Variants in ADAM10 observed in about 807,000 individuals in gnomAD.
ADAM10 encodes ADAM metallopeptidase domain 10.
In ADAM10, 17 loss-of-function variants were observed where a neutral mutation model predicts 90.1. The ratio of observed to expected loss-of-function variants is 0.19; its 90% confidence interval spans 0.13 to 0.28. The LOEUF is 0.28. ADAM10 is among the 10% of genes least tolerant of loss of function. ADAM10 has a pLI of 1.00. For synonymous variants in ADAM10, 310 were observed against 298.6 expected (o/e 1.04, Z -0.40); for missense variants, 610 against 914.3 (o/e 0.67, Z 4.29).
intron 10 of ADAM10, among the ~76,000 whole-genome samples, chr15:58,627,192 A>T (rs1354848065): frequency 2.6e-5 from 4 of 152,162 alleles, no homozygotes; most frequent in African/African-American, 9.6e-5. Flanking sequence ...TAAACTGTAT[A>T]CTTTCACTTA....
At chr15:58,717,261 T>C (rs1457778931) in intron 2 of ADAM10, among the ~76,000 whole-genome samples, 1 of 152,158 alleles carries the variant, frequency 6.6e-6, no homozygotes, top group Non-Finnish European at 1.5e-5. Flanking sequence ...TAGATAGATA[T>C]ATTGACCATA....
intron 2 of ADAM10, chr15:58,691,676 C>CTTCTTTTTTTTTTTTTTTTTTTTTTTT (rs746349800): frequency 5.1e-6 from 1 of 196,352 alleles, no homozygotes; most frequent in African/African-American, 4.5e-5. Context: ...ACTTCTTCTT[C>CTTCTTTTTTTTTTTTTTTTTTTTTTTT]TTTTTTTTTT....
intron 7 of ADAM10, among the ~76,000 whole-genome samples, chr15:58,642,979 T>C (rs1423903326): frequency 6.6e-6 from 1 of 152,182 alleles, no homozygotes; most frequent in Non-Finnish European, 1.5e-5. Context: ...TTCTCTAGTA[T>C]AGACATTTTA....
intron 14 of ADAM10, among the ~76,000 whole-genome samples, chr15:58,600,490 TTATA>T (rs1734374972): frequency 6.6e-6 from 1 of 152,136 alleles, no homozygotes; most frequent in Admixed American, 6.5e-5. Flanking sequence ...TTTCATTACA[TTATA>T]TATAATATCT....
intron 3 of ADAM10, among the ~76,000 whole-genome samples, chr15:58,680,879 CA>C (rs1486075884): frequency 2.0e-5 from 3 of 152,112 alleles, no homozygotes; most frequent in African/African-American, 7.2e-5. Context: ...AGTGCAGTGG[CA>C]CAATCATAAC....
intron 10 of ADAM10, among the ~76,000 whole-genome samples, chr15:58,626,997 G>T (rs899760438): frequency 4.6e-5 from 7 of 152,068 alleles, no homozygotes; most frequent in Middle Eastern, 3.2e-3. Context: ...ACTAAAATAA[G>T]AAATAATTTC....
chr15:58,630,784 C>T (rs577686398), intron 9 of ADAM10, among the ~76,000 whole-genome samples: 1 of 152,264 alleles, frequency 6.6e-6, no homozygotes, highest in East Asian at 1.9e-4. Flanking sequence ...GAGACAGGTT[C>T]AGGTGTTTAT....
At chr15:58,640,110 C>T (rs574563178) in intron 8 of ADAM10, among the ~76,000 whole-genome samples, 5 of 152,276 alleles carry the variant, frequency 3.3e-5, no homozygotes, top group Admixed American at 2.6e-4. Context: ...CACTCCACCC[C>T]CACTGTAATG....
Position 58,599,735 on chromosome 15 carries a change from A to G in ADAM10, c.2026-11T>C. On this transcript the variant is annotated splice_polypyrimidine_tract_variant and intron_variant, in intron 14 of 15. Coordinates refer to ENST00000260408, the MANE Select transcript of ADAM10 (RefSeq NM_001110.4). The stretch of plus-strand genomic sequence containing the variant: ...TGCCCACCAATGAGCCTAGAAATAA[A>G]CAGATTTTTCCACTGAAAAAAAAAA... The G allele has an allele frequency of 1.3e-6, 2 of 1,594,290 alleles. No individual in the cohort carries two copies. The highest frequency in any genetic ancestry group is 1.7e-6 in the Non-Finnish European group (2 of 1,177,016).
rs1430456890 is a variant in ADAM10 at position 58,593,529 on chromosome 15, G to A, written c.*4018C>T. 1 of 152,244 alleles carries A rather than the reference G, an allele frequency of 6.6e-6. No homozygotes were observed. The highest frequency in any genetic ancestry group is 2.4e-5 in the African/African-American group (1 of 41,430). 9.4% of individuals were successfully genotyped at this position (152,244 alleles called of 1,614,324 possible). A position where few individuals can be genotyped will look rare whatever the true frequency, so the allele number is the denominator to read the frequency against. On this transcript the variant is annotated 3_prime_UTR_variant, in exon 16 of 16. Transcript: ENST00000260408. ...CCTGCCAGGTACCCAAATCTTACCAGTGCAAACTACACCATTCTGTTGTGT... is the reference window on the plus strand; with the variant it reads ...CCTGCCAGGTACCCAAATCTTACCAATGCAAACTACACCATTCTGTTGTGT...
At chr15:58,655,702 A>ATATATACTATATATAGTGTG (rs60905284) in intron 5 of ADAM10, among the ~76,000 whole-genome samples, 1 of 53,838 alleles carries the variant, frequency 1.9e-5, no homozygotes, top group Non-Finnish European at 2.9e-5. Flanking sequence ...TATAGTATAT[A>ATATATACTATATATAGTGTG]TATATATAGT....
chr15:58,685,545 AATATATATAT>A (rs56776777), intron 2 of ADAM10, among the ~76,000 whole-genome samples: 7,645 of 116,118 alleles, frequency 0.066, 463 homozygotes, highest in African/African-American at 0.14. Context: ...TATGAAGGAG[AATATATATAT>A]ATATATATAT....
chr15:58,588,954 C>T lies in ADAM10; in HGVS notation c.*8593G>A, dbSNP rs1894769936. The T allele has an allele frequency of 6.6e-6, 1 of 152,150 alleles. No homozygotes were observed. The highest frequency in any genetic ancestry group is 1.9e-4 in the East Asian group (1 of 5,192). 9.4% of individuals were successfully genotyped at this position (152,150 alleles called of 1,614,324 possible). On this transcript the variant is annotated 3_prime_UTR_variant, in exon 16 of 16. Coordinates refer to ENST00000260408, the MANE Select transcript of ADAM10 (RefSeq NM_001110.4). ...CGGTATGTTTCATATTCTATAAATA[C>T]AGTGCATATTAGATTTTGAAAGAAA...
intron 3 of ADAM10, among the ~76,000 whole-genome samples, chr15:58,680,294 T>C (rs145061335): frequency 1.1e-3 from 175 of 152,254 alleles, no homozygotes; most frequent in South Asian, 0.01. Context: ...AGCTAATTTT[T>C]GTATTTTTGG....
chr15:58,699,081 A>G (rs1283671809), intron 2 of ADAM10, among the ~76,000 whole-genome samples: 1 of 152,230 alleles, frequency 6.6e-6, no homozygotes, highest in Non-Finnish European at 1.5e-5. Context: ...GGGAACTCCT[A>G]TCAGACTAAC....
intron 10 of ADAM10, among the ~76,000 whole-genome samples, chr15:58,624,001 G>GA (rs1212100712): frequency 6.6e-6 from 1 of 150,904 alleles, no homozygotes; most frequent in African/African-American, 2.5e-5. Flanking sequence ...AAAAAAAGGG[G>GA]GGGCCAGGCG....
At chr15:58,710,447 T>G (rs1220703007) in intron 2 of ADAM10, among the ~76,000 whole-genome samples, 2 of 152,178 alleles carry the variant, frequency 1.3e-5, no homozygotes, top group African/African-American at 4.8e-5. Flanking sequence ...TCCTTATGCT[T>G]CAGTAAGTAA....
chr15:58,692,817 C>T (rs1209724655), intron 2 of ADAM10: 5 of 642,012 alleles, frequency 7.8e-6, no homozygotes, highest in South Asian at 4.1e-5. Context: ...CACCAAATTG[C>T]CCAATCATGG....
In ADAM10 at chr15:58,749,548, T is replaced by TGCC. The variant is rs750697632; in HGVS notation, c.-17_-15dup. On this transcript the variant is annotated 5_prime_UTR_variant, in exon 1 of 16. Coordinates refer to ENST00000260408, the MANE Select transcript of ADAM10 (RefSeq NM_001110.4). ...CAGCAACACCATCTTCCGCTGCCGCTGCCGCCGCCGCCGCCTCCTCACGGG... is the reference window on the plus strand; with the variant it reads ...CAGCAACACCATCTTCCGCTGCCGCTGCCGCCGCCGCCGCCGCCTCCTCACGGG... 75 of 1,551,058 alleles carry TGCC rather than the reference T, an allele frequency of 4.8e-5. No individual in the cohort carries two copies. Among genetic ancestry groups the TGCC allele is most frequent in the East Asian group, 3.2e-4 (13 of 40,756 alleles).
Sources: allele counts gnomAD v4.1 joint callset (sites outside exome capture counted in the v4.1 genomes callset), GRCh38; gene constraint gnomAD v4.1.1; transcripts MANE v1.5; gene names NCBI Gene and HGNC (gene_info 2026-07-23, HGNC 2026-07-21).